WDR62: variants seen among roughly 807,000 people sequenced by gnomAD.
The protein encoded by WDR62 is WD repeat-containing protein 62.
WDR62 carries 112 observed loss-of-function variants against 160.6 expected under a neutral mutation model. The ratio of observed to expected loss-of-function variants is 0.70; its 90% CI spans 0.60 to 0.82. The LOEUF is 0.82. Ranked by LOEUF, WDR62 falls within the 40% of genes least tolerant of loss-of-function variation. The pLI, the probability that WDR62 is intolerant of heterozygous loss-of-function variation, is 0.00. For missense variants in WDR62, 1,819 were observed against 1,983.8 expected (o/e 0.92, Z 1.58); for synonymous variants, 792 against 815.1 (o/e 0.97, Z 0.48).
chr19:36,107,460 C>T (rs1306756917), downstream of WDR62, among the ~76,000 whole-genome samples: 1 of 152,034 alleles, frequency 6.6e-6, no homozygotes, highest in African/African-American at 2.4e-5. Flanking sequence ...GCCAGGTGCA[C>T]AATGACATGA....
chr19:36,064,008 C>T (rs1443329097), intron 3 of WDR62, among the ~76,000 whole-genome samples: 1 of 152,156 alleles, frequency 6.6e-6, no homozygotes, highest in Non-Finnish European at 1.5e-5. Context: ...AGGGGACTTC[C>T]TTGTGTTGCA....
rs768195883 is a variant in WDR62, at chr19:36,055,087, C to G, written c.116C>G (p.Pro39Arg). The change falls in exon 1 of 32, where the codon CCA becomes CGA. Residue 39 changes from proline to arginine, a missense_variant. Physicochemically the swap from Pro to Arg is moderately radical, Grantham distance 103 (BLOSUM62 -2). Around this residue, in one of 3 missense-constraint regions of WDR62, gnomAD observed 115 missense variants for 92.4 expected, o/e 1.24. Transcript: ENST00000401500. Reference sequence around the variant, plus strand: ...CAGTCCTCCCCGCCCCCCGCCCCACCAATCTGCCTACGGCGGCGGACGCGA... The same window carrying G: ...CAGTCCTCCCCGCCCCCCGCCCCACGAATCTGCCTACGGCGGCGGACGCGA... ...RGQSSPPPAP[P>R]ICLRRRTRLS... 2 of 1,604,690 alleles carry G rather than the reference C, an allele frequency of 1.2e-6. No homozygotes were observed. Among genetic ancestry groups the G allele is most frequent in the Non-Finnish European group, 1.7e-6 (2 of 1,176,782 alleles).
At chr19:36,064,860 G>A (rs758741598) in intron 3 of WDR62, among the ~76,000 whole-genome samples, 4 of 152,166 alleles carry the variant, frequency 2.6e-5, no homozygotes, top group East Asian at 1.9e-4. Context: ...GATTACAGGC[G>A]TGAGGCACCG....
In WDR62 at chr19:36,101,733, A is replaced by G. The variant is rs765947362; in HGVS notation, c.3041A>G (p.Asp1014Gly). 3 of 1,551,360 alleles carry G rather than the reference A, an allele frequency of 1.9e-6. No individual in the cohort carries two copies. The highest frequency in any genetic ancestry group is 2.6e-6 in the Non-Finnish European group (3 of 1,147,116). ...ATCCACTCCCCAGCTCCGCCTCCTGACCCTGCCCCTCGGTTTGCCACGTCG... is the reference window on the plus strand; with the variant it reads ...ATCCACTCCCCAGCTCCGCCTCCTGGCCCTGCCCCTCGGTTTGCCACGTCG... Reference protein sequence around the residue: ...AAIHSPAPPPDPAPRFATSLP... With the variant: ...AAIHSPAPPPGPAPRFATSLP... The change falls in exon 25 of 32, where the codon GAC becomes GGC. Residue 1014 changes from aspartate to glycine, a missense_variant. By Grantham distance (94) the Asp-to-Gly change is moderately conservative (BLOSUM62 -1). Around this residue, in one of 3 missense-constraint regions of WDR62, gnomAD observed 770 missense variants for 734.2 expected, o/e 1.05. Transcript: ENST00000401500.
chr19:36,085,414 CTTTTTTTTTTTT>C (rs35753706), intron 12 of WDR62, among the ~76,000 whole-genome samples: 2 of 70,382 alleles, frequency 2.8e-5, no homozygotes, highest in East Asian at 1.6e-3. Context: ...CACACCTGAC[CTTTTTTTTTTTT>C]TTTTTTTTTT....
rs577248303 is a variant in WDR62, at chr19:36,094,075, G to A, written c.2378G>A (p.Ser793Asn). The A allele has an allele frequency of 2.5e-6, 4 of 1,614,110 alleles. No homozygotes were observed. The African/African-American group carries it at 5.3e-5, about 22-fold the overall frequency. ...VSTPSEIHSL[S>N]PGEQTEDDLE... Reference sequence around the variant, plus strand: ...ACACCTAGTGAGATTCACTCCCTGAGCCCTGGAGAGCAAACAGAGGATGAT... The same window carrying A: ...ACACCTAGTGAGATTCACTCCCTGAACCCTGGAGAGCAAACAGAGGATGAT... Residue 793 changes from serine to asparagine, a missense_variant, in exon 20 of 32, where the codon AGC becomes AAC. Ser to Asn is a conservative substitution (Grantham distance 46). Coordinates refer to ENST00000401500, the MANE Select transcript of WDR62 (RefSeq NM_001083961.2).
intron 26 of WDR62, chr19:36,102,487 C>T (rs924004285): frequency 1.4e-5 from 8 of 590,662 alleles, no homozygotes; most frequent in Non-Finnish European, 2.4e-5. Context: ...GTCTCAAACT[C>T]CTGCCTCAGA....
Position 36,086,683 on chromosome 19 carries a change from A to G in WDR62, c.1643-4A>G, listed in dbSNP as rs1352134114. ...GGAACCAGTCTCATTCTCTCCTCTC[A>G]CAGGGCTGACCTTGCTGGCCTCAGC... On this transcript the variant is annotated splice_region_variant and splice_polypyrimidine_tract_variant and intron_variant, in intron 12 of 31. Coordinates refer to ENST00000401500, the MANE Select transcript of WDR62 (RefSeq NM_001083961.2). 7.5e-6 allele frequency: 12 copies of G among 1,597,836 alleles called. No individual in the cohort carries two copies. Among genetic ancestry groups the G allele is most frequent in the Non-Finnish European group, 1.0e-5 (12 of 1,171,316 alleles).
intron 9 of WDR62, among the ~76,000 whole-genome samples, chr19:36,078,576 G>A (rs574044209): frequency 3.3e-5 from 5 of 151,430 alleles, no homozygotes; most frequent in African/African-American, 7.3e-5. Context: ...GGCTCACGTC[G>A]GTAATCCCAA....
At chr19:36,058,719 C>A in intron 1 of WDR62, 61 bp from the exon 2 acceptor site, 3 of 1,408,904 alleles carry the variant, frequency 2.1e-6, no homozygotes, top group Non-Finnish European at 3.0e-6. Context: ...GTGGCCAAGG[C>A]GGCTGCACCA....
At chr19:36,086,251 G>C (rs1318365311) in intron 12 of WDR62, among the ~76,000 whole-genome samples, 1 of 151,858 alleles carries the variant, frequency 6.6e-6, no homozygotes, top group Non-Finnish European at 1.5e-5. Context: ...GGTGGCAGAT[G>C]GGAGTCTGGC....
At chr19:36,059,653 T>C (rs994964283) in intron 2 of WDR62, among the ~76,000 whole-genome samples, 10 of 152,264 alleles carry the variant, frequency 6.6e-5, no homozygotes, top group African/African-American at 2.2e-4. Context: ...CAGGCTGGTC[T>C]AAAACTCCTG....
rs112166370 is a variant in WDR62, at chr19:36,073,213, A to G, written c.1044-129A>G. On this transcript the variant is annotated intron_variant, in intron 8 of 31. Transcript: ENST00000401500. ...GAAGAGGGAAAAGTAGAATTGGAGCAGGAGAGATGGATGGCCACAAATACC... is the reference window on the plus strand; with the variant it reads ...GAAGAGGGAAAAGTAGAATTGGAGCGGGAGAGATGGATGGCCACAAATACC... 325 of 882,364 alleles carry G rather than the reference A, an allele frequency of 3.7e-4. 1 individual carries two copies. The African/African-American group carries it at 4.7e-3, about 13-fold the overall frequency. 54.7% of individuals were successfully genotyped at this position (882,364 alleles called of 1,614,324 possible).
At chr19:36,063,253 G>GT (rs941465219) in intron 3 of WDR62, among the ~76,000 whole-genome samples, 2 of 140,822 alleles carry the variant, frequency 1.4e-5, no homozygotes, top group Non-Finnish European at 1.5e-5. Flanking sequence ...ACTTTTTTTT[G>GT]TTTTTTTGTT....
In WDR62 at chr19:36,091,307, T is replaced by C; in HGVS notation, c.2142T>C (p.His714=). The part of the protein sequence containing the change: ...SGECIAKMFG[H]SEIITSMKFT... ...AGTGCATTGCCAAGATGTTTGGCCA[T>C]TCAGGTGGGTGTGCCTCTCTGCTTG... Residue 714 remains histidine (H), a synonymous_variant, in exon 17 of 32, where the codon CAT becomes CAC. Transcript: ENST00000401500. 4.3e-6 allele frequency: 7 copies of C among 1,614,090 alleles called. No homozygotes were observed. The highest frequency in any genetic ancestry group is 5.1e-6 in the Non-Finnish European group (6 of 1,180,000).
intron 9 of WDR62, among the ~76,000 whole-genome samples, chr19:36,080,220 G>C (rs1971814189): frequency 6.6e-6 from 1 of 151,214 alleles, no homozygotes. Flanking sequence ...CCATTCTCCT[G>C]CCTCAGCCTC....
intron 18 of WDR62, among the ~76,000 whole-genome samples, chr19:36,092,487 G>T (rs1972680623): frequency 6.6e-6 from 1 of 151,678 alleles, no homozygotes; most frequent in Admixed American, 6.6e-5. Context: ...GCCCTGGTTT[G>T]CTGGGATGCC....
intron 1 of WDR62, among the ~76,000 whole-genome samples, chr19:36,056,957 G>A (rs1432459655): frequency 6.6e-6 from 1 of 151,928 alleles, no homozygotes; most frequent in Non-Finnish European, 1.5e-5. Flanking sequence ...GACTGCAGGC[G>A]CATGCCACCA....
In WDR62 at chr19:36,103,937, C is replaced by T. The variant is rs1973572365; in HGVS notation, c.4109C>T (p.Pro1370Leu). The T allele has an allele frequency of 6.3e-7, 1 of 1,598,892 alleles. No homozygotes were observed. The highest frequency in any genetic ancestry group is 8.5e-7 in the Non-Finnish European group (1 of 1,179,940). Residue 1370 changes from proline to leucine, a missense_variant, in exon 30 of 32, where the codon CCT becomes CTT. Physicochemically the swap from Pro to Leu is moderately conservative, Grantham distance 98 (BLOSUM62 -3). Around this residue, in one of 3 missense-constraint regions of WDR62, gnomAD observed 770 missense variants for 734.2 expected, o/e 1.05. Coordinates refer to ENST00000401500, the MANE Select transcript of WDR62 (RefSeq NM_001083961.2). ...AACCCCCAGCTTCCAGAGGCCCGGC[C>T]TGGCATCCCTGGCGGCACTGCCTCC... Reference protein sequence around the residue: ...PSNPQLPEARPGIPGGTASLL... With the variant: ...PSNPQLPEARLGIPGGTASLL...
Sources: allele counts gnomAD v4.1 joint callset (sites outside exome capture counted in the v4.1 genomes callset), GRCh38; gene constraint gnomAD v4.1.1; regional missense constraint gnomAD v4.1.1; transcripts MANE v1.5; gene names NCBI Gene and HGNC (gene_info 2026-07-23, HGNC 2026-07-21).